PCDHA13: variants seen among roughly 807,000 people sequenced by gnomAD.
The protein encoded by PCDHA13 is protocadherin alpha-13.
Under a neutral mutation model 64.8 loss-of-function variants are expected in PCDHA13, and 54 were observed. That is an observed-to-expected ratio of 0.83 (90% CI 0.67 to 1.04). The LOEUF is 1.04. PCDHA13 is among the 50% of genes least tolerant of loss of function. The pLI is 0.00. For missense variants in PCDHA13, 1,248 were observed against 1,254.3 expected, an observed-to-expected ratio of 0.99 and a Z score of 0.08; for synonymous variants, 587 against 564.4, an observed-to-expected ratio of 1.04 and a Z score of -0.57.
chr5:140,967,477 C>T (rs782240426), intron 1 of PCDHA13: 1 of 1,613,396 alleles, frequency 6.2e-7, no homozygotes, highest in Non-Finnish European at 8.5e-7. Flanking sequence ...TCCCAGCCCG[C>T]TCGGGTACGG....
At chr5:140,905,211 G>T (rs1554191947) in intron 1 of PCDHA13, among the ~76,000 whole-genome samples, 1 of 152,130 alleles carries the variant, frequency 6.6e-6, no homozygotes, top group South Asian at 2.1e-4. Context: ...GTTGATTTTT[G>T]TGTAAGGTGA....
At chr5:140,925,906 G>A (rs1181128933) in intron 1 of PCDHA13, among the ~76,000 whole-genome samples, 1 of 151,830 alleles carries the variant, frequency 6.6e-6, no homozygotes, top group Non-Finnish European at 1.5e-5. Context: ...ATCGTCAAGG[G>A]CCGTTTGCAA....
At chr5:140,913,318 T>C (rs953831117) in intron 1 of PCDHA13, among the ~76,000 whole-genome samples, 1 of 152,188 alleles carries the variant, frequency 6.6e-6, no homozygotes, top group African/African-American at 2.4e-5. Flanking sequence ...CTTGGTAAGT[T>C]GTATGTGTCT....
chr5:140,907,782 G>A (rs1285928394), intron 1 of PCDHA13, among the ~76,000 whole-genome samples: 1 of 152,158 alleles, frequency 6.6e-6, no homozygotes, highest in African/African-American at 2.4e-5. Flanking sequence ...AGGGGTGGCT[G>A]GGGAAAGAGG....
chr5:141,001,987 A>C (rs547998020), intron 3 of PCDHA13, among the ~76,000 whole-genome samples: 3 of 152,302 alleles, frequency 2.0e-5, no homozygotes, highest in African/African-American at 7.2e-5. Context: ...AAAGCCTGGA[A>C]GTTCACTTGC....
intron 1 of PCDHA13, chr5:140,968,479 C>T (rs2096250195): frequency 1.2e-6 from 2 of 1,614,010 alleles, no homozygotes; most frequent in South Asian, 2.2e-5. Flanking sequence ...ATGTGGTGGA[C>T]ATGAATGACC....
chr5:140,951,021 G>A (rs960559037), intron 1 of PCDHA13, among the ~76,000 whole-genome samples: 1 of 151,932 alleles, frequency 6.6e-6, no homozygotes, highest in Non-Finnish European at 1.5e-5. Context: ...CAGGCAGTGA[G>A]TTTTAATTTC....
intron 1 of PCDHA13, among the ~76,000 whole-genome samples, chr5:140,900,724 C>T (rs552317505): frequency 2.0e-5 from 3 of 152,296 alleles, no homozygotes; most frequent in Admixed American, 1.3e-4. Flanking sequence ...GAAATCCTAC[C>T]TAGCAGTGGG....
intron 3 of PCDHA13, among the ~76,000 whole-genome samples, chr5:141,006,287 C>A (rs1407881243): frequency 6.6e-6 from 1 of 152,060 alleles, no homozygotes; most frequent in African/African-American, 2.4e-5. Flanking sequence ...TCTCAGCTCA[C>A]TGCAAGCTCC....
intron 1 of PCDHA13, among the ~76,000 whole-genome samples, chr5:140,907,290 G>T (rs1554192922): frequency 1.3e-5 from 2 of 152,200 alleles, no homozygotes; most frequent in East Asian, 3.8e-4. Context: ...CAATCCAGCT[G>T]CTTCAGGATG....
chr5:140,924,747 T>G (rs1026870483), intron 1 of PCDHA13, among the ~76,000 whole-genome samples: 2 of 151,786 alleles, frequency 1.3e-5, no homozygotes, highest in African/African-American at 4.8e-5. Flanking sequence ...ATACAAAAAT[T>G]AACCGAGCAT....
In PCDHA13 at chr5:140,882,894, G is replaced by A. The variant is rs1554176001; in HGVS notation, c.626G>A (p.Ser209Asn). The A allele has an allele frequency of 5.6e-6, 9 of 1,614,190 alleles. No homozygotes were observed. The East Asian group carries it at 1.3e-4, about 24-fold the overall frequency. ...TLDREEIQEH[S>N]LLLTASDGGK... The stretch of plus-strand genomic sequence containing the variant: ...GACAGAGAGGAAATTCAGGAACATA[G>A]TTTATTACTGACAGCCAGTGATGGA... Residue 209 changes from serine to asparagine, a missense_variant, in exon 1 of 4, where the codon AGT becomes AAT. By Grantham distance (46) the Ser-to-Asn change is conservative. Coordinates refer to ENST00000289272, the MANE Select transcript of PCDHA13 (RefSeq NM_018904.3).
intron 3 of PCDHA13, among the ~76,000 whole-genome samples, chr5:140,997,720 G>A (rs973128921): frequency 3.3e-5 from 5 of 151,568 alleles, no homozygotes; most frequent in East Asian, 1.9e-4. Context: ...ACCTTTCTAC[G>A]TCAGTACATA....
intron 1 of PCDHA13, among the ~76,000 whole-genome samples, chr5:140,972,712 G>T (rs1409880262): frequency 6.9e-6 from 1 of 144,630 alleles, no homozygotes; most frequent in East Asian, 2.0e-4. Context: ...TTGCCAGGCT[G>T]GAGTGCAGTG....
intron 1 of PCDHA13, chr5:140,929,069 G>A (rs1554206647): frequency 1.2e-6 from 2 of 1,614,192 alleles, no homozygotes; most frequent in Non-Finnish European, 8.5e-7. Context: ...GAGGATCTGA[G>A]GTATGGAAGT....
At chr5:140,988,672 G>A (rs1269904309) in intron 3 of PCDHA13, among the ~76,000 whole-genome samples, 1 of 152,180 alleles carries the variant, frequency 6.6e-6, no homozygotes, top group Non-Finnish European at 1.5e-5. Context: ...TAGACTCTAA[G>A]ATAATTCTTT....
At chr5:140,924,096 T>A (rs1044149112) in intron 1 of PCDHA13, among the ~76,000 whole-genome samples, 1 of 152,222 alleles carries the variant, frequency 6.6e-6, no homozygotes, top group Non-Finnish European at 1.5e-5. Flanking sequence ...AAAGAATAAA[T>A]TTTCATTCCA....
intron 3 of PCDHA13, among the ~76,000 whole-genome samples, chr5:141,005,543 A>G (rs2153984572): frequency 6.6e-6 from 1 of 151,530 alleles, no homozygotes; most frequent in South Asian, 2.1e-4. Context: ...CTCTACTAAA[A>G]ATACAAAAAT....
chr5:140,990,022 G>A (rs891983888), intron 3 of PCDHA13, among the ~76,000 whole-genome samples: 1 of 152,156 alleles, frequency 6.6e-6, no homozygotes, highest in African/African-American at 2.4e-5. Flanking sequence ...GCTAGGCAAA[G>A]GATGGGAGAA....
Sources: allele counts gnomAD v4.1 joint callset (sites outside exome capture counted in the v4.1 genomes callset), GRCh38; gene constraint gnomAD v4.1.1; transcripts MANE v1.5; gene names NCBI Gene and HGNC (gene_info 2026-07-23, HGNC 2026-07-21).